The following GLT8D2 variants were observed in gnomAD, a reference collection of about 807,000 sequenced individuals.
The protein encoded by GLT8D2 is glycosyltransferase 8 domain containing 2.
Under a neutral mutation model 44.5 loss-of-function variants are expected in GLT8D2, and 45 were observed. The ratio of observed to expected loss-of-function variants is 1.01; its 90% CI spans 0.80 to 1.30. GLT8D2 has a LOEUF of 1.30. GLT8D2 is among the 50% of genes most tolerant of loss of function. The pLI is 0.00. For synonymous variants in GLT8D2, 156 were observed against 157.2 expected, an observed-to-expected ratio of 0.99 and a Z score of 0.06; for missense variants, 400 against 430.4, an observed-to-expected ratio of 0.93 and a Z score of 0.62.
intron 1 of GLT8D2, among the ~76,000 whole-genome samples, chr12:104,062,746 A>AT (rs1882774931): frequency 6.6e-6 from 1 of 152,184 alleles, no homozygotes; most frequent in Non-Finnish European, 1.5e-5. Flanking sequence ...AAGTGCTGGG[A>AT]TTACAGGTGT....
intron 1 of GLT8D2, among the ~76,000 whole-genome samples, chr12:104,043,258 T>C (rs1460356294): frequency 6.6e-6 from 1 of 152,174 alleles, no homozygotes; most frequent in African/African-American, 2.4e-5. Flanking sequence ...GACTTCATCC[T>C]GACTCATGGC....
rs1418014603 is a variant in GLT8D2 at position 103,993,396 on chromosome 12, G to T, written c.876C>A (p.His292Gln). The T allele has an allele frequency of 1.9e-6, 3 of 1,606,694 alleles. No homozygotes were observed. The South Asian group carries it at 3.3e-5, about 18-fold the overall frequency. ...STINPLWHIR[H>Q]LGWNPDARYS... ...CAGTTTTTCTGAAATACTTACCCAGGTGCCTTATGTGCCACAGGGGGTTAA... is the reference window on the plus strand; with the variant it reads ...CAGTTTTTCTGAAATACTTACCCAGTTGCCTTATGTGCCACAGGGGGTTAA... The change falls in exon 10 of 11, where the codon CAC becomes CAA. Residue 292 changes from histidine to glutamine, a missense_variant. Coordinates refer to ENST00000360814, the MANE Select transcript of GLT8D2 (RefSeq NM_001384711.1).
At chr12:104,032,378 C>G (rs1221381062) in intron 1 of GLT8D2, among the ~76,000 whole-genome samples, 1 of 144,862 alleles carries the variant, frequency 6.9e-6, no homozygotes, top group East Asian at 2.1e-4. Flanking sequence ...GTTGCTTGAC[C>G]CTGCCACATG....
At chr12:104,001,573 A>C (rs1026360942) in intron 5 of GLT8D2, among the ~76,000 whole-genome samples, 1 of 152,198 alleles carries the variant, frequency 6.6e-6, no homozygotes, top group African/African-American at 2.4e-5. Context: ...TGCCAACCTG[A>C]TGAGTGAAGA....
At chr12:104,000,266 A>G (rs560560758) in intron 5 of GLT8D2, among the ~76,000 whole-genome samples, 1 of 152,228 alleles carries the variant, frequency 6.6e-6, no homozygotes, top group Admixed American at 6.5e-5. Context: ...AGATAGACTA[A>G]CAGCAAAATA....
intron 1 of GLT8D2, among the ~76,000 whole-genome samples, chr12:104,034,264 C>A (rs1247133768): frequency 6.6e-6 from 1 of 152,216 alleles, no homozygotes; most frequent in African/African-American, 2.4e-5. Context: ...AACTGAGGTA[C>A]CTCGTTCATC....
At chr12:104,027,850 G>A (rs962264545) in intron 1 of GLT8D2, among the ~76,000 whole-genome samples, 6 of 152,126 alleles carry the variant, frequency 3.9e-5, no homozygotes, top group African/African-American at 1.4e-4. Flanking sequence ...TAACCACAAA[G>A]TGCTGAGCTC....
chr12:103,992,228 A>G (rs1872827225), intron 10 of GLT8D2, among the ~76,000 whole-genome samples: 1 of 152,142 alleles, frequency 6.6e-6, no homozygotes, highest in African/African-American at 2.4e-5. Context: ...ACCTGCCCCA[A>G]ATCATAGTTG....
chr12:103,997,578 T>C (rs371045944), intron 6 of GLT8D2, 43 bp from the exon 7 acceptor site: 445 of 1,367,730 alleles, frequency 3.3e-4, no homozygotes, highest in Non-Finnish European at 3.9e-4. Context: ...GAGAGGCATA[T>C]GGCTTAGTGT....
At chr12:103,990,356 A>G (rs1047956311) in intron 10 of GLT8D2, among the ~76,000 whole-genome samples, 1 of 152,084 alleles carries the variant, frequency 6.6e-6, no homozygotes, top group Admixed American at 6.6e-5. Context: ...ACTAAGATCT[A>G]CTTTTTAAAC....
intron 1 of GLT8D2, among the ~76,000 whole-genome samples, chr12:104,034,963 T>C (rs1452155319): frequency 6.6e-6 from 1 of 152,156 alleles, no homozygotes; most frequent in Non-Finnish European, 1.5e-5. Context: ...CAGGCAGCAA[T>C]ATTTGCTGTT....
chr12:104,009,839 C>G (rs1875585725), intron 4 of GLT8D2, among the ~76,000 whole-genome samples: 1 of 152,154 alleles, frequency 6.6e-6, no homozygotes, highest in Admixed American at 6.5e-5. Flanking sequence ...TTTTGTATCT[C>G]TCATTTTCTT....
chr12:104,043,559 T>C (rs2629759), intron 1 of GLT8D2, among the ~76,000 whole-genome samples: 138,005 of 152,230 alleles, frequency 0.91, 62,664 homozygotes, highest in East Asian at 1. Context: ...CTCCGCCTCC[T>C]GGGTTAGAGC....
intron 1 of GLT8D2, among the ~76,000 whole-genome samples, chr12:104,026,017 A>T (rs1378724675): frequency 2.0e-5 from 3 of 152,182 alleles, no homozygotes; most frequent in East Asian, 1.9e-4. Flanking sequence ...GGTGGCTCAC[A>T]ACTGTAATTC....
At chr12:104,060,322 G>T (rs1403505016) in intron 1 of GLT8D2, among the ~76,000 whole-genome samples, 12 of 152,138 alleles carry the variant, frequency 7.9e-5, no homozygotes, top group Admixed American at 6.5e-4. Context: ...CTCCTAGGTT[G>T]TTGTTTCCAA....
chr12:104,010,513 G>A (rs1283412018), intron 4 of GLT8D2, among the ~76,000 whole-genome samples: 1 of 152,098 alleles, frequency 6.6e-6, no homozygotes, highest in East Asian at 1.9e-4. Context: ...TTTATTAATT[G>A]CGTTGGAATT....
At chr12:104,016,664 A>AAGAG (rs1158869447) in intron 3 of GLT8D2, among the ~76,000 whole-genome samples, 10 of 128,286 alleles carry the variant, frequency 7.8e-5, no homozygotes, top group African/African-American at 2.5e-4. Flanking sequence ...GAAAGAAAGA[A>AAGAG]AGAGAGAGAG....
At chr12:104,019,580 T>A (rs1877358793) in intron 3 of GLT8D2, 50 bp downstream of exon 3, 1 of 1,452,424 alleles carries the variant, frequency 6.9e-7, no homozygotes, top group Non-Finnish European at 9.6e-7. Context: ...CTCAAAACCA[T>A]CCTCCCAAAT....
chr12:104,003,097 GA>G (rs759937362), intron 5 of GLT8D2, 37 bp downstream of exon 5: 1 of 1,545,144 alleles, frequency 6.5e-7, no homozygotes, highest in East Asian at 2.3e-5. Context: ...AGAGGGGAAG[GA>G]AACAGAAAGT....
Sources: allele counts gnomAD v4.1 joint callset (sites outside exome capture counted in the v4.1 genomes callset), GRCh38; gene constraint gnomAD v4.1.1; transcripts MANE v1.5; gene names NCBI Gene and HGNC (gene_info 2026-07-23, HGNC 2026-07-21).